Variants in TCF4 observed in about 807,000 individuals in gnomAD.
The protein encoded by TCF4 is SL3-3 enhancer factor 2.
A neutral mutation model predicts 82.1 loss-of-function variants in TCF4; 3 were observed. That is an observed-to-expected ratio of 0.04 (90% CI 0.02 to 0.09). The LOEUF is 0.09. Ranked by LOEUF, TCF4 falls within the 10% of genes least tolerant of loss-of-function variation. The probability of loss-of-function intolerance (pLI) is 1.00; values close to 1 mark genes in which losing one functional copy is unlikely to be tolerated. For missense variants in TCF4, 518 were observed against 852.7 expected, an observed-to-expected ratio of 0.61 and a Z score of 4.89; for synonymous variants, 276 against 309.6, an observed-to-expected ratio of 0.89 and a Z score of 1.14.
intron 8 of TCF4, among the ~76,000 whole-genome samples, chr18:55,335,745 T>C (rs1237652463): frequency 3.9e-5 from 6 of 152,198 alleles, no homozygotes; most frequent in Non-Finnish European, 7.4e-5. Context: ...CATATTTGTG[T>C]AGATTTTCAA....
upstream of TCF4, chr18:55,588,298 T>C: frequency 6.9e-7 from 1 of 1,449,774 alleles, no homozygotes. Context: ...GCGCACGGAA[T>C]TGCAAGTTCA....
chr18:55,297,646 T>C (rs2066934183), intron 8 of TCF4, among the ~76,000 whole-genome samples: 2 of 152,170 alleles, frequency 1.3e-5, no homozygotes, highest in South Asian at 4.1e-4. Context: ...CCTCAATTTA[T>C]AACTGTAACT....
chr18:55,289,491 CTG>C (rs1414205242), intron 8 of TCF4, among the ~76,000 whole-genome samples: 2 of 152,152 alleles, frequency 1.3e-5, no homozygotes, highest in East Asian at 1.9e-4. Context: ...ATTTCTATCT[CTG>C]TTTACACCTA....
At chr18:55,598,896 A>G (rs1477572987) in intron 2 of TCF4, among the ~76,000 whole-genome samples, 5 of 152,232 alleles carry the variant, frequency 3.3e-5, no homozygotes, top group African/African-American at 1.2e-4. Context: ...CAAGATGGCT[A>G]CCAGTAAAAA....
At chr18:55,276,661 A>AT (rs1464193880) in intron 9 of TCF4, among the ~76,000 whole-genome samples, 5 of 152,068 alleles carry the variant, frequency 3.3e-5, no homozygotes, top group Admixed American at 2.6e-4. Flanking sequence ...AAATTCATTC[A>AT]TTTTTTCTTT....
At chr18:55,275,290 A>AAC (rs2061277430) in intron 10 of TCF4, among the ~76,000 whole-genome samples, 1 of 151,074 alleles carries the variant, frequency 6.6e-6, no homozygotes, top group Non-Finnish European at 1.5e-5. Context: ...AAAAAAAAAA[A>AAC]AAAAAAAACC....
chr18:55,238,138 G>A (rs1318298980), intron 15 of TCF4, among the ~76,000 whole-genome samples: 1 of 152,158 alleles, frequency 6.6e-6, no homozygotes. Context: ...TCAATTCTAA[G>A]CATGACATTT....
At chr18:55,314,048 G>A (rs942282677) in intron 8 of TCF4, among the ~76,000 whole-genome samples, 1 of 152,092 alleles carries the variant, frequency 6.6e-6, no homozygotes, top group African/African-American at 2.4e-5. Context: ...TTGGCTTAGG[G>A]AAGCTTAGTG....
intron 11 of TCF4, chr18:55,269,052 T>A (rs1005940521): frequency 6.6e-5 from 10 of 152,270 alleles, no homozygotes; most frequent in African/African-American, 2.4e-4. Context: ...CAGGGGCAGC[T>A]GGACATCCAG....
At chr18:55,458,153 C>G (rs1352276838) in intron 5 of TCF4, among the ~76,000 whole-genome samples, 6 of 152,114 alleles carry the variant, frequency 3.9e-5, no homozygotes, top group Admixed American at 3.9e-4. Context: ...ACGCCTAATT[C>G]AGTCACAGGC....
chr18:55,459,419 T>C (rs998346608), intron 5 of TCF4, among the ~76,000 whole-genome samples: 1 of 152,220 alleles, frequency 6.6e-6, no homozygotes, highest in Admixed American at 6.5e-5. Context: ...TTTTTTCACA[T>C]AGATAACATA....
chr18:55,418,092 T>C (rs534957478), intron 5 of TCF4, among the ~76,000 whole-genome samples: 1 of 151,960 alleles, frequency 6.6e-6, no homozygotes, highest in South Asian at 2.1e-4. Flanking sequence ...ATGATTATCG[T>C]TTAAGTATTC....
At position 55,506,555 on chromosome 18, in the gene TCF4, A is replaced by AAC. The variant is rs145484547; in HGVS notation, c.146-42420_146-42419dup. ...CACACACATTAAAATGTCCACATGC[A>AAC]ACACACACACACACACATATACATA... On this transcript the variant is annotated intron_variant, in intron 3 of 19. Coordinates refer to ENST00000354452, the MANE Select transcript of TCF4 (RefSeq NM_001083962.2). Among the ~76,000 whole-genome samples, 170 of 151,448 alleles carry AAC rather than the reference A, an allele frequency of 1.1e-3. 1 individual carries two copies. The highest frequency in any genetic ancestry group is 7.3e-4 in the African/African-American group (30 of 41,364).
chr18:55,380,466 G>A (rs1348122246), intron 6 of TCF4, among the ~76,000 whole-genome samples: 2 of 151,774 alleles, frequency 1.3e-5, no homozygotes, highest in Non-Finnish European at 1.5e-5. Context: ...CTTCTTATAA[G>A]GACATTAATT....
chr18:55,325,400 C>T (rs999925910), intron 8 of TCF4, among the ~76,000 whole-genome samples: 1 of 152,214 alleles, frequency 6.6e-6, no homozygotes, highest in Non-Finnish European at 1.5e-5. Flanking sequence ...GAACTATCCA[C>T]TCGACCACAG....
rs574444776 is a variant in TCF4 at position 55,303,624 on chromosome 18, A to G, written c.550-23968T>C. On this transcript the variant is annotated intron_variant, in intron 8 of 19. Coordinates refer to ENST00000354452, the MANE Select transcript of TCF4 (RefSeq NM_001083962.2). ...ATAATTACAGAAGAAGAAAAGATATAAGGTGAAGTAAGGACAACAGTGCAA... is the reference window on the plus strand; with the variant it reads ...ATAATTACAGAAGAAGAAAAGATATGAGGTGAAGTAAGGACAACAGTGCAA... 2.0e-5 allele frequency among the ~76,000 whole-genome samples: 3 copies of G among 152,322 alleles called. No individual in the cohort carries two copies. In the South Asian group the frequency reaches 6.2e-4, roughly 32 times the overall value.
intron 5 of TCF4, chr18:55,422,071 C>G: frequency 2.2e-6 from 1 of 462,794 alleles, no homozygotes; most frequent in Non-Finnish European, 2.5e-6. Flanking sequence ...CACTAAACCA[C>G]AAAGGGAATA....
chr18:55,282,002 A>G (rs527339650), intron 8 of TCF4, among the ~76,000 whole-genome samples: 5 of 152,090 alleles, frequency 3.3e-5, no homozygotes, highest in Admixed American at 1.3e-4. Flanking sequence ...ACTCTTTGTT[A>G]ATAGGCAACG....
rs531099450 is a variant in TCF4 at position 55,379,697 on chromosome 18, G to C, written c.369+23757C>G. Among the ~76,000 whole-genome samples, 17 of 152,268 alleles carry C rather than the reference G, an allele frequency of 1.1e-4. No homozygotes were observed. In the South Asian group the frequency reaches 3.5e-3, roughly 32 times the overall value. ...GATCATTTTCAATGCTCTCATTCCAGAATGCTAAAACACAGGACTTAAAAT... is the reference window on the plus strand; with the variant it reads ...GATCATTTTCAATGCTCTCATTCCACAATGCTAAAACACAGGACTTAAAAT... On this transcript the variant is annotated intron_variant, in intron 6 of 19. Coordinates refer to ENST00000354452, the MANE Select transcript of TCF4 (RefSeq NM_001083962.2).
Sources: gnomAD v4.1 joint callset for allele counts (sites outside exome capture counted in the v4.1 genomes callset) on GRCh38, gnomAD v4.1.1 for gene constraint, MANE v1.5 for transcripts, NCBI Gene and HGNC (gene_info 2026-07-23, HGNC 2026-07-21) for gene names.